CSMD1: variants seen among roughly 807,000 people sequenced by gnomAD.
The protein encoded by CSMD1 is CUB and sushi domain-containing protein 1.
CSMD1 carries 213 observed loss-of-function variants against 417.5 expected under a neutral mutation model. The ratio of observed to expected loss-of-function variants is 0.51; its 90% confidence interval spans 0.46 to 0.57. The LOEUF (loss-of-function observed/expected upper bound fraction) is 0.57. Among genes scored for constraint, CSMD1 ranks in the 20% least tolerant of loss-of-function variants. The pLI is 0.00. For synonymous variants in CSMD1, 2,862 were observed against 1,736.8 expected (o/e 1.65, Z -16.11); for missense variants, 6,923 against 4,529.7 (o/e 1.53, Z -15.17).
intron 2 of CSMD1, among the ~76,000 whole-genome samples, chr8:4,539,659 T>A (rs1205667358): frequency 6.6e-6 from 1 of 152,134 alleles, no homozygotes; most frequent in Non-Finnish European, 1.5e-5. Flanking sequence ...GTAAAATAAC[T>A]GAGAATATTG....
chr8:3,056,037 T>C (rs1033775841), intron 49 of CSMD1, among the ~76,000 whole-genome samples: 1 of 152,268 alleles, frequency 6.6e-6, no homozygotes, highest in African/African-American at 2.4e-5. Context: ...AATTATGTTA[T>C]AGGCAGAATA....
chr8:4,742,106 C>T (rs1810651445), intron 1 of CSMD1, among the ~76,000 whole-genome samples: 1 of 141,926 alleles, frequency 7.0e-6, no homozygotes, highest in Non-Finnish European at 1.5e-5. Context: ...TCTCGGCTCA[C>T]TGCAAGCTCC....
At chr8:3,634,384 G>A (rs148241199) in intron 7 of CSMD1, among the ~76,000 whole-genome samples, 2,606 of 152,272 alleles carry the variant, frequency 0.017, 40 homozygotes, top group South Asian at 0.047. Context: ...AGGCACCGAG[G>A]CTCAGGAGAG....
At chr8:4,313,334 C>A (rs1383641565) in intron 3 of CSMD1, among the ~76,000 whole-genome samples, 1 of 148,450 alleles carries the variant, frequency 6.7e-6, no homozygotes, top group Non-Finnish European at 1.5e-5. Flanking sequence ...AGGGAGGAAT[C>A]CATCATGGGG....
chr8:4,341,560 A>AT (rs1800479896), intron 3 of CSMD1, among the ~76,000 whole-genome samples: 1 of 152,076 alleles, frequency 6.6e-6, no homozygotes, highest in African/African-American at 2.4e-5. Flanking sequence ...CTACAGTGTG[A>AT]TTTTGAGAAG....
At chr8:4,120,864 A>G (rs1239422213) in intron 3 of CSMD1, among the ~76,000 whole-genome samples, 1 of 152,090 alleles carries the variant, frequency 6.6e-6, no homozygotes, top group African/African-American at 2.4e-5. Context: ...TACAGAAACA[A>G]ATTTTTTCTG....
At chr8:4,250,451 G>C (rs1802990180) in intron 3 of CSMD1, among the ~76,000 whole-genome samples, 1 of 152,146 alleles carries the variant, frequency 6.6e-6, no homozygotes, top group Admixed American at 6.5e-5. Flanking sequence ...CGTAATACAT[G>C]AGTGATATTT....
intron 26 of CSMD1, among the ~76,000 whole-genome samples, chr8:3,232,815 G>T (rs557599778): frequency 6.6e-6 from 1 of 151,124 alleles, no homozygotes; most frequent in East Asian, 1.9e-4. Flanking sequence ...ATTTTTTCTC[G>T]TGCTTTTATT....
intron 2 of CSMD1, among the ~76,000 whole-genome samples, chr8:4,509,696 A>C (rs1218697364): frequency 3.3e-5 from 5 of 151,064 alleles, no homozygotes; most frequent in Non-Finnish European, 3.0e-5. Context: ...CTGATAATAG[A>C]CACTTTTGAC....
intron 1 of CSMD1, among the ~76,000 whole-genome samples, chr8:4,666,499 A>C (rs1208350080): frequency 6.6e-6 from 1 of 152,182 alleles, no homozygotes; most frequent in African/African-American, 2.4e-5. Flanking sequence ...ATTTTTACTA[A>C]GACCCTCCAG....
chr8:4,957,626 G>T (rs59482827), intron 1 of CSMD1, among the ~76,000 whole-genome samples: 1,995 of 152,200 alleles, frequency 0.013, 44 homozygotes, highest in African/African-American at 0.046. Flanking sequence ...ATGCACTGAA[G>T]AAATAAATGA....
intron 5 of CSMD1, among the ~76,000 whole-genome samples, chr8:3,921,576 G>C (rs1468054160): frequency 2.0e-5 from 3 of 151,846 alleles, no homozygotes; most frequent in Admixed American, 1.3e-4. Context: ...ATCTATTTTG[G>C]TGTGCTTGGT....
rs1563107785 is a variant in CSMD1 at position 4,374,967 on chromosome 8, G to GGGT, written c.415+44985_415+44986insACC. 7.5e-4 allele frequency among the ~76,000 whole-genome samples: 100 copies of GGGT among 133,664 alleles called. 2 individuals are homozygous for GGGT. Among genetic ancestry groups the GGGT allele is most frequent in the African/African-American group, 2.7e-3 (100 of 37,688 alleles). The allele number at this position is 133,664 out of a possible 152,430, so 87.7% of individuals were successfully genotyped here. A position where few individuals can be genotyped will look rare whatever the true frequency, so the allele number is the denominator to read the frequency against. On this transcript the variant is annotated intron_variant, in intron 3 of 69. Transcript: ENST00000635120. ...TAAACAGACAAAGGTGGGGTGGGGG[G>GGGT]GGGGGGCGATAGTGGGGGTACGGGC...
chr8:4,930,845 G>A (rs575057685), intron 1 of CSMD1, among the ~76,000 whole-genome samples: 1 of 152,216 alleles, frequency 6.6e-6, no homozygotes, highest in Admixed American at 6.5e-5. Context: ...ATACAGGATA[G>A]ATCTTAATTT....
chr8:4,692,559 G>A (rs181934522), intron 1 of CSMD1, among the ~76,000 whole-genome samples: 17 of 152,196 alleles, frequency 1.1e-4, no homozygotes, highest in Admixed American at 5.2e-4. Context: ...GAAGAGGGCC[G>A]GGAAGACTGT....
At chr8:2,975,804 G>C (rs1804860813) in intron 55 of CSMD1, among the ~76,000 whole-genome samples, 1 of 152,172 alleles carries the variant, frequency 6.6e-6, no homozygotes, top group African/African-American at 2.4e-5. Context: ...GATTCCCAAA[G>C]TGACGACAAT....
At chr8:3,889,547 GTA>G (rs779391576) in intron 5 of CSMD1, among the ~76,000 whole-genome samples, 23 of 84,622 alleles carry the variant, frequency 2.7e-4, no homozygotes, top group South Asian at 9.2e-4. Context: ...ACACATATGT[GTA>G]TATGTGTGTC....
At position 3,272,170 on chromosome 8, in the gene CSMD1, C is replaced by A. The variant is rs1296752940; in HGVS notation, c.4153+11974G>T. On this transcript the variant is annotated intron_variant, in intron 26 of 69. Coordinates refer to ENST00000635120, the MANE Select transcript of CSMD1 (RefSeq NM_033225.6). ...ATATGGTTAGCCAGTTTTCCCAGCA[C>A]CATTTATTAAATAGGGAATGCTTTC... Among the ~76,000 whole-genome samples, 3 of 146,900 alleles carry A rather than the reference C, an allele frequency of 2.0e-5. No homozygotes were observed. The South Asian group carries it at 6.8e-4, about 33-fold the overall frequency.
chr8:3,982,873 C>T (rs999187552), intron 5 of CSMD1, among the ~76,000 whole-genome samples: 10 of 152,180 alleles, frequency 6.6e-5, no homozygotes, highest in African/African-American at 2.4e-4. Flanking sequence ...CAAAGCTAAA[C>T]CATTAGCGTT....
Sources: gnomAD v4.1 joint callset for allele counts (sites outside exome capture counted in the v4.1 genomes callset) on GRCh38, gnomAD v4.1.1 for gene constraint, MANE v1.5 for transcripts, NCBI Gene and HGNC (gene_info 2026-07-23, HGNC 2026-07-21) for gene names.